Variants in ZC3H12B observed in about 807,000 individuals in gnomAD.
The protein encoded by ZC3H12B is zinc finger CCCH-type containing 12B.
Under a neutral mutation model 43.9 loss-of-function variants are expected in ZC3H12B, and 7 were observed. The ratio of observed to expected loss-of-function variants is 0.16; its 90% confidence interval spans 0.09 to 0.30. ZC3H12B has a LOEUF of 0.30. Among genes scored for constraint, ZC3H12B ranks in the 10% least tolerant of loss-of-function variants. ZC3H12B has a pLI of 1.00. For missense variants in ZC3H12B, 475 were observed against 670.2 expected, an observed-to-expected ratio of 0.71 and a Z score of 3.22; for synonymous variants, 222 against 241.7, an observed-to-expected ratio of 0.92 and a Z score of 0.76.
the ZC3H12B span, among the ~76,000 whole-genome samples, chrX:65,166,194 C>A: frequency 9.0e-6 from 1 of 110,763 alleles, no homozygotes; most frequent in Non-Finnish European, 1.9e-5. Flanking sequence ...ATCCCTCCCC[C>A]TCTTCCCACC....
At chrX:65,226,076 G>C in the ZC3H12B span, among the ~76,000 whole-genome samples, 1 of 111,489 alleles carries the variant, frequency 9.0e-6, no homozygotes, top group Non-Finnish European at 1.9e-5. Flanking sequence ...ATAATTGTCA[G>C]ATTCACCAAA....
chrX:65,110,448 C>A, the ZC3H12B span, among the ~76,000 whole-genome samples: 2 of 107,446 alleles, frequency 1.9e-5, no homozygotes, highest in Non-Finnish European at 3.9e-5. Flanking sequence ...AGTCTCTGAT[C>A]CATTTTGAGT....
At chrX:65,272,277 A>AAAACAAAAAAAC in the ZC3H12B span, 1 of 109,220 alleles carries the variant, frequency 9.2e-6, no homozygotes. Context: ...TAGTAAAAAA[A>AAAACAAAAAAAC]AAAAAAAACT....
At chrX:65,124,092 G>A in the ZC3H12B span, among the ~76,000 whole-genome samples, 4 of 111,143 alleles carry the variant, frequency 3.6e-5, no homozygotes, top group African/African-American at 1.3e-4. Flanking sequence ...TGCTTTCAAA[G>A]TTTTCCCTGT....
At chrX:65,081,961 CAA>C in the ZC3H12B span, among the ~76,000 whole-genome samples, 1 of 111,616 alleles carries the variant, frequency 9.0e-6, no homozygotes, top group Admixed American at 9.5e-5. Context: ...TAATCGATAA[CAA>C]GAGGAATTTT....
chrX:65,191,636 A>C, the ZC3H12B span, among the ~76,000 whole-genome samples: 2 of 61,004 alleles, frequency 3.3e-5, no homozygotes, highest in Admixed American at 1.9e-4. Context: ...CTGTGGGATC[A>C]GTGGTGATAT....
At chrX:65,109,621 A>G in the ZC3H12B span, among the ~76,000 whole-genome samples, 4 of 111,618 alleles carry the variant, frequency 3.6e-5, no homozygotes, top group Non-Finnish European at 3.8e-5. Context: ...GGTTGTTTCT[A>G]TCTTTTGGTT....
chrX:65,067,116 C>T, the ZC3H12B span, among the ~76,000 whole-genome samples: 7 of 110,337 alleles, frequency 6.3e-5, no homozygotes, highest in Non-Finnish European at 1.3e-4. Context: ...CACTTGACTC[C>T]CTGGCTTCAG....
At chrX:65,374,764 C>T (rs188474893) in intron 2 of ZC3H12B, among the ~76,000 whole-genome samples, 134 of 111,111 alleles carry the variant, frequency 1.2e-3, no homozygotes, top group African/African-American at 4.0e-3. Flanking sequence ...CTTACAATCA[C>T]GGTGGAACGG....
chrX:65,478,400 C>T (rs73629447), intron 3 of ZC3H12B, among the ~76,000 whole-genome samples: 14,845 of 111,067 alleles, frequency 0.13, 2,388 homozygotes, highest in African/African-American at 0.45. Flanking sequence ...TTTTTTGTTT[C>T]TTTGCATATC....
At chrX:65,202,433 T>C in the ZC3H12B span, among the ~76,000 whole-genome samples, 1 of 108,862 alleles carries the variant, frequency 9.2e-6, no homozygotes, top group Non-Finnish European at 1.9e-5. Flanking sequence ...GTTTTGGTCA[T>C]TGCAGCATAA....
upstream of ZC3H12B, among the ~76,000 whole-genome samples, chrX:65,364,027 G>T (rs147040353): frequency 6.7e-3 from 738 of 110,764 alleles, 9 homozygotes; most frequent in African/African-American, 0.023. Context: ...GATACACCTG[G>T]CATTCACTCC....
At chrX:65,320,866 C>A in the ZC3H12B span, among the ~76,000 whole-genome samples, 1 of 111,829 alleles carries the variant, frequency 8.9e-6, no homozygotes, top group Non-Finnish European at 1.9e-5. Context: ...TGAAACTGGA[C>A]CCCTTCCTTA....
At chrX:65,211,965 T>G in the ZC3H12B span, among the ~76,000 whole-genome samples, 1 of 71,079 alleles carries the variant, frequency 1.4e-5, no homozygotes, top group Non-Finnish European at 2.3e-5. Context: ...ATATAATATA[T>G]GTTATGTATA....
chrX:65,494,706 G>A (rs1166901729), intron 1 of ZC3H12B, among the ~76,000 whole-genome samples: 2 of 108,958 alleles, frequency 1.8e-5, no homozygotes, highest in Non-Finnish European at 3.8e-5. Context: ...GCTTGAACCC[G>A]GGAGGCAGAG....
At chrX:65,172,000 G>A in the ZC3H12B span, among the ~76,000 whole-genome samples, 6 of 112,385 alleles carry the variant, frequency 5.3e-5, 1 homozygote, top group African/African-American at 1.3e-4. Flanking sequence ...TGGGTGAGGC[G>A]ATATCCCGCC....
chrX:65,059,387 T>C, the ZC3H12B span, among the ~76,000 whole-genome samples: 4 of 111,938 alleles, frequency 3.6e-5, no homozygotes, highest in Non-Finnish European at 7.5e-5. Context: ...TCAATTTCAA[T>C]TTGATTTTTG....
the ZC3H12B span, among the ~76,000 whole-genome samples, chrX:65,223,099 G>T: frequency 8.9e-6 from 1 of 111,785 alleles, no homozygotes; most frequent in African/African-American, 3.2e-5. Flanking sequence ...ACAGCCAACT[G>T]ATCTTTGACA....
the ZC3H12B span, among the ~76,000 whole-genome samples, chrX:65,228,151 C>T: frequency 9.0e-6 from 1 of 111,487 alleles, no homozygotes; most frequent in Non-Finnish European, 1.9e-5. Context: ...ACTGGCAAAC[C>T]GAATCCAGCA....
Sources: gnomAD v4.1 joint callset for allele counts (sites outside exome capture counted in the v4.1 genomes callset) on GRCh38, gnomAD v4.1.1 for gene constraint, MANE v1.5 for transcripts, NCBI Gene and HGNC (gene_info 2026-07-23, HGNC 2026-07-21) for gene names.